The following HTR2A variants were observed in gnomAD, a reference collection of about 807,000 sequenced individuals.
HTR2A encodes 5-hydroxytryptamine receptor 2A.
In HTR2A, 14 loss-of-function variants were observed where a neutral mutation model predicts 31.0. That is an observed-to-expected ratio of 0.45 (90% confidence interval 0.30 to 0.71). The LOEUF (loss-of-function observed/expected upper bound fraction) is 0.71, where lower values mean the gene tolerates loss of function less well. Ranked by LOEUF, HTR2A falls within the 30% of genes least tolerant of loss-of-function variation. The pLI, the probability that HTR2A is intolerant of heterozygous loss-of-function variation, is 0.09. For missense variants in HTR2A, 442 were observed against 573.3 expected (o/e 0.77, Z 2.34); for synonymous variants, 209 against 225.2 (o/e 0.93, Z 0.64).
At chr13:46,897,815 G>T (rs36212784), upstream of HTR2A, among the ~76,000 whole-genome samples, 1,263 of 152,236 alleles carry the variant, frequency 8.3e-3, 13 homozygotes, top group Non-Finnish European at 0.013. Flanking sequence ...TACCTTCATA[G>T]CTGATTATTT....
chr13:46,853,403 G>A (rs2138202755), intron 3 of HTR2A, among the ~76,000 whole-genome samples: 1 of 152,276 alleles, frequency 6.6e-6, no homozygotes, highest in Admixed American at 6.5e-5. Context: ...TCAGAAGCCA[G>A]CAGGTTGCTC....
intron 3 of HTR2A, among the ~76,000 whole-genome samples, chr13:46,891,975 T>G (rs751506287): frequency 1.3e-5 from 2 of 152,236 alleles, no homozygotes; most frequent in Non-Finnish European, 2.9e-5. Flanking sequence ...CAGCACATGG[T>G]ACCTTTCTCT....
intron 3 of HTR2A, among the ~76,000 whole-genome samples, chr13:46,853,679 T>C (rs1161293830): frequency 6.6e-6 from 1 of 152,136 alleles, no homozygotes; most frequent in African/African-American, 2.4e-5. Flanking sequence ...TGCCCTGCCA[T>C]GGTCACTGGG....
At chr13:46,852,008 T>TG (rs1244456967) in intron 3 of HTR2A, 1 of 150,290 alleles carries the variant, frequency 6.7e-6, no homozygotes, top group African/African-American at 2.5e-5. Flanking sequence ...GAAGGTGTGT[T>TG]GGGTCAAAGT....
Position 46,834,775 on chromosome 13 carries a change from T to C in HTR2A, c.*62A>G. The C allele has an allele frequency of 7.3e-7, 1 of 1,375,406 alleles. No individual in the cohort carries two copies. The highest frequency in any genetic ancestry group is 9.9e-7 in the Non-Finnish European group (1 of 1,006,770). The allele number at this position is 1,375,406 out of a possible 1,614,324, so 85.2% of individuals were successfully genotyped here. A position where few individuals can be genotyped will look rare whatever the true frequency, so the allele number is the denominator to read the frequency against. ...ATTTTTTCCAATCTCATATTTTTTT[T>C]TTTCCAGATAGGTGAAAACTTGCTC... is the stretch of plus-strand genomic sequence containing the variant. On this transcript the variant is annotated 3_prime_UTR_variant, in exon 4 of 4. Transcript: ENST00000542664.
chr13:46,837,389 T>C (rs925231811), intron 3 of HTR2A, among the ~76,000 whole-genome samples: 1 of 152,190 alleles, frequency 6.6e-6, no homozygotes, highest in Non-Finnish European at 1.5e-5. Context: ...ATGAATCAAG[T>C]ACTCTGTATA....
At chr13:46,836,599 C>T (rs1336053356) in intron 3 of HTR2A, among the ~76,000 whole-genome samples, 2 of 152,106 alleles carry the variant, frequency 1.3e-5, no homozygotes, top group African/African-American at 4.8e-5. Context: ...TTAACATACA[C>T]ACAACTAACA....
intron 3 of HTR2A, among the ~76,000 whole-genome samples, chr13:46,858,726 G>A (rs780653533): frequency 7.2e-5 from 11 of 152,164 alleles, no homozygotes; most frequent in African/African-American, 1.4e-4. Flanking sequence ...TAGGGATACC[G>A]AGGTGGCAGA....
chr13:46,861,476 A>G (rs557939902), intron 3 of HTR2A, among the ~76,000 whole-genome samples: 1 of 152,194 alleles, frequency 6.6e-6, no homozygotes, highest in Non-Finnish European at 1.5e-5. Flanking sequence ...AAAGGAGTAA[A>G]GTTGCTTCTG....
chr13:46,896,922 C>G lies in HTR2A; in HGVS notation c.-577G>C, dbSNP rs980732538. ...TGGGTTCCTCCCTCCCTGTGCGGCT[C>G]GCCTCAGCAGGCACACATTTAGAAA... On this transcript the variant is annotated 5_prime_UTR_variant, in exon 1 of 4. Coordinates refer to ENST00000542664, the MANE Select transcript of HTR2A (RefSeq NM_000621.5). 1.4e-5 allele frequency: 15 copies of G among 1,095,094 alleles called. No individual in the cohort carries two copies. The highest frequency in any genetic ancestry group is 2.0e-4 in the Middle Eastern group (1 of 4,938). The allele number at this position is 1,095,094 out of a possible 1,614,324, so 67.8% of individuals were successfully genotyped here.
chr13:46,863,070 A>G (rs1450306876), intron 3 of HTR2A, among the ~76,000 whole-genome samples: 1 of 152,244 alleles, frequency 6.6e-6, no homozygotes. Flanking sequence ...TCTCTGAAAT[A>G]AACTGCAATT....
intron 2 of HTR2A, among the ~76,000 whole-genome samples, chr13:46,892,878 T>C (rs1292933332): frequency 1.3e-5 from 2 of 152,206 alleles, no homozygotes; most frequent in African/African-American, 4.8e-5. Flanking sequence ...TCTTCCCCCT[T>C]ACGCCTGGCA....
At chr13:46,868,614 G>T (rs1950838828) in intron 3 of HTR2A, among the ~76,000 whole-genome samples, 1 of 152,056 alleles carries the variant, frequency 6.6e-6, no homozygotes, top group Admixed American at 6.6e-5. Context: ...ACTCACGGGG[G>T]TATATATGAA....
In HTR2A at chr13:46,831,743, CTT is replaced by C. The variant is rs1876253469; in HGVS notation, c.*3092_*3093del. ...CCCTTTGCTGAAAGCAGTACAGTGACTTAGTTCAATTTGGCTACGGTAGCACT... is the reference window on the plus strand; with the variant it reads ...CCCTTTGCTGAAAGCAGTACAGTGACAGTTCAATTTGGCTACGGTAGCACT... On this transcript the variant is annotated 3_prime_UTR_variant, in exon 4 of 4. Coordinates refer to ENST00000542664, the MANE Select transcript of HTR2A (RefSeq NM_000621.5). The C allele has an allele frequency of 6.6e-6, 1 of 152,330 alleles. No individual in the cohort carries two copies. The highest frequency in any genetic ancestry group is 2.1e-4 in the South Asian group (1 of 4,828). 9.4% of individuals were successfully genotyped at this position (152,330 alleles called of 1,614,324 possible). A position where few individuals can be genotyped will look rare whatever the true frequency, so the allele number is the denominator to read the frequency against.
In HTR2A at chr13:46,895,398, AGTTT is replaced by A. The variant is rs1287038347; in HGVS notation, c.412+93_412+96del. The stretch of plus-strand genomic sequence containing the variant: ...TCTATAAACAAAGACTTCTATTTAT[AGTTT>A]GTTTGCCCCCTGAGCCCCATCTCAT... On this transcript the variant is annotated intron_variant, in intron 2 of 3. Coordinates refer to ENST00000542664, the MANE Select transcript of HTR2A (RefSeq NM_000621.5). The surrounding 1 kb of genome is among the most constrained non-coding windows in gnomAD (Gnocchi z 4.4). 11 of 1,036,336 alleles carry A rather than the reference AGTTT, an allele frequency of 1.1e-5. No homozygotes were observed. The highest frequency in any genetic ancestry group is 1.4e-5 in the Non-Finnish European group (10 of 715,966). The allele number at this position is 1,036,336 out of a possible 1,614,324, so 64.2% of individuals were successfully genotyped here.
intron 3 of HTR2A, among the ~76,000 whole-genome samples, chr13:46,856,671 A>G (rs568970549): frequency 2.0e-5 from 3 of 152,272 alleles, no homozygotes; most frequent in African/African-American, 7.2e-5. Context: ...TTATGTATGT[A>G]CTTCTATCCT....
Position 46,896,003 on chromosome 13 carries a change from C to G in HTR2A, c.-97G>C. 6.7e-7 allele frequency: 1 copy of G among 1,496,546 alleles called. No homozygotes were observed. The highest frequency in any genetic ancestry group is 8.8e-7 in the Non-Finnish European group (1 of 1,131,140). The allele number at this position is 1,496,546 out of a possible 1,614,324, so 92.7% of individuals were successfully genotyped here. A position where few individuals can be genotyped will look rare whatever the true frequency, so the allele number is the denominator to read the frequency against. On this transcript the variant is annotated 5_prime_UTR_variant, in exon 2 of 4. Coordinates refer to ENST00000542664, the MANE Select transcript of HTR2A (RefSeq NM_000621.5). ...CTTGATGTACCCACACTCTGTAACA[C>G]TGAGGCTGGTGTACATGCTGTTCTC...
chr13:46,871,573 T>C (rs1029343236), intron 3 of HTR2A, among the ~76,000 whole-genome samples: 1 of 152,244 alleles, frequency 6.6e-6, no homozygotes, highest in Non-Finnish European at 1.5e-5. Context: ...ATAGGGTCTA[T>C]GACTTAGTTT....
intron 3 of HTR2A, among the ~76,000 whole-genome samples, chr13:46,858,238 T>C (rs553931396): frequency 6.6e-6 from 1 of 151,926 alleles, no homozygotes; most frequent in Non-Finnish European, 1.5e-5. Flanking sequence ...ATACATAAAG[T>C]ATAGCCAAGC....
Sources: allele counts gnomAD v4.1 joint callset (sites outside exome capture counted in the v4.1 genomes callset), GRCh38; gene constraint gnomAD v4.1.1; non-coding constraint Gnocchi (gnomAD v3.1); transcripts MANE v1.5; gene names NCBI Gene and HGNC (gene_info 2026-07-23, HGNC 2026-07-21).